Variants in RRBP1 observed in about 807,000 individuals in gnomAD.
RRBP1 encodes the protein ribosome-binding protein 1.
A neutral mutation model predicts 165.2 loss-of-function variants in RRBP1; 94 were observed. That is an observed-to-expected ratio of 0.57 (90% confidence interval 0.48 to 0.68). The LOEUF (loss-of-function observed/expected upper bound fraction) is 0.68. Ranked by LOEUF, RRBP1 falls within the 30% of genes least tolerant of loss-of-function variation. The pLI is 0.00. For synonymous variants in RRBP1, 680 were observed against 714.5 expected, an observed-to-expected ratio of 0.95 and a Z score of 0.77; for missense variants, 1,676 against 1,763.0, an observed-to-expected ratio of 0.95 and a Z score of 0.88.
rs2036194577 is a variant in RRBP1, at chr20:17,633,624, G to C, written c.2457-11C>G. On this transcript the variant is annotated splice_polypyrimidine_tract_variant and intron_variant, in intron 7 of 24. Coordinates refer to ENST00000377813, the MANE Select transcript of RRBP1 (RefSeq NM_001365613.2). ...AGCTCTGCGTTCTGCCTGCAAGACA[G>C]TCACCAGCCCGACTAATGGAAAGAA... 2 of 1,613,314 alleles carry C rather than the reference G, an allele frequency of 1.2e-6. No homozygotes were observed. Among genetic ancestry groups the C allele is most frequent in the Non-Finnish European group, 1.7e-6 (2 of 1,179,678 alleles).
chr20:17,644,056 G>C (rs2036417433), intron 3 of RRBP1, among the ~76,000 whole-genome samples: 1 of 148,860 alleles, frequency 6.7e-6, no homozygotes, highest in Non-Finnish European at 1.5e-5. Flanking sequence ...ACCTTGGGAG[G>C]ACAAAGGAGA....
chr20:17,632,450 C>T (rs1037192717), intron 8 of RRBP1, among the ~76,000 whole-genome samples: 4 of 152,202 alleles, frequency 2.6e-5, no homozygotes, highest in Non-Finnish European at 5.9e-5. Context: ...AGTGGGTCTG[C>T]TTCACATGAA....
intron 1 of RRBP1, among the ~76,000 whole-genome samples, chr20:17,681,632 T>TGCGCC (rs1365243238): frequency 7.1e-6 from 1 of 141,748 alleles, no homozygotes; most frequent in Non-Finnish European, 1.6e-5. Context: ...CCGCCAGCTG[T>TGCGCC]GCGCCGCCCC....
intron 23 of RRBP1, 83 bp downstream of exon 23, chr20:17,615,348 C>T: frequency 8.7e-7 from 1 of 1,150,764 alleles, no homozygotes; most frequent in Non-Finnish European, 1.2e-6. Flanking sequence ...CTCTCCCCTT[C>T]CTGGCCCCTT....
chr20:17,629,996 G>A (rs781230471), intron 8 of RRBP1, 35 bp from the exon 9 acceptor site: 49 of 1,577,678 alleles, frequency 3.1e-5, no homozygotes, highest in South Asian at 6.7e-5. Context: ...CAGTGAAGAC[G>A]TGGAAGGACC....
chr20:17,636,887 G>A (rs578013826), intron 5 of RRBP1, among the ~76,000 whole-genome samples, 158 bp from the exon 6 acceptor site: 2 of 152,218 alleles, frequency 1.3e-5, no homozygotes, highest in African/African-American at 2.4e-5. Flanking sequence ...CAGCTGCAGT[G>A]GGAACGACGA....
At chr20:17,654,521 A>T (rs2036613463) in intron 3 of RRBP1, among the ~76,000 whole-genome samples, 1 of 152,228 alleles carries the variant, frequency 6.6e-6, no homozygotes, top group South Asian at 2.1e-4. Context: ...TTCGGGCCTT[A>T]CCACTCAATC....
intron 2 of RRBP1, among the ~76,000 whole-genome samples, chr20:17,677,284 T>A (rs939717345): frequency 3.9e-5 from 6 of 152,172 alleles, no homozygotes; most frequent in African/African-American, 1.4e-4. Context: ...AGATTTGAAT[T>A]CAAGATGGTC....
At chr20:17,616,409 AG>A (rs1448880994) in intron 21 of RRBP1, among the ~76,000 whole-genome samples, 1 of 152,172 alleles carries the variant, frequency 6.6e-6, no homozygotes, top group Non-Finnish European at 1.5e-5. Context: ...CCGGGGTTGC[AG>A]TGGGAGACAG....
At chr20:17,663,055 A>G (rs111855702) in intron 2 of RRBP1, among the ~76,000 whole-genome samples, 34 of 152,278 alleles carry the variant, frequency 2.2e-4, no homozygotes, top group Middle Eastern at 3.4e-3. Context: ...CCCCTTCTCT[A>G]GAGAAACGAA....
intron 3 of RRBP1, among the ~76,000 whole-genome samples, chr20:17,652,985 C>T (rs1271843285): frequency 1.3e-5 from 2 of 152,250 alleles, no homozygotes; most frequent in African/African-American, 2.4e-5. Flanking sequence ...TCGGGCACCA[C>T]AGCTCATGGC....
chr20:17,639,225 AGGGC>A (rs2036302318), intron 5 of RRBP1, among the ~76,000 whole-genome samples: 3 of 152,196 alleles, frequency 2.0e-5, no homozygotes, highest in Admixed American at 6.5e-5. Context: ...AGAGTTCTCA[AGGGC>A]GTCTGAGCCC....
At chr20:17,680,446 C>T (rs2037159875) in intron 1 of RRBP1, among the ~76,000 whole-genome samples, 1 of 152,204 alleles carries the variant, frequency 6.6e-6, no homozygotes. Flanking sequence ...AAGGTTCCAG[C>T]ACGCAGAGTG....
intron 19 of RRBP1, 135 bp downstream of exon 19, chr20:17,619,498 C>T: frequency 1.7e-6 from 1 of 597,542 alleles, no homozygotes; most frequent in Non-Finnish European, 2.8e-6. Context: ...TGTGAGGCTT[C>T]GGGCAAACGC....
chr20:17,614,970 G>A, intron 23 of RRBP1, 90 bp from the exon 24 acceptor site: 1 of 1,438,036 alleles, frequency 7.0e-7, no homozygotes, highest in South Asian at 1.2e-5. Flanking sequence ...GCCAGGGGCT[G>A]GAGCCCTCTG....
intron 2 of RRBP1, among the ~76,000 whole-genome samples, chr20:17,679,493 C>CCT (rs1350806397): frequency 2.0e-5 from 3 of 152,178 alleles, no homozygotes; most frequent in African/African-American, 7.2e-5. Context: ...AACTGTTGAT[C>CCT]CTCTATGTGT....
At chr20:17,625,374 C>A in intron 12 of RRBP1, 138 bp downstream of exon 12, 1 of 722,998 alleles carries the variant, frequency 1.4e-6, no homozygotes, top group South Asian at 1.7e-5. Flanking sequence ...ACCCTGGACC[C>A]CCACAGCACA....
intron 8 of RRBP1, among the ~76,000 whole-genome samples, chr20:17,630,447 G>T (rs922004045): frequency 5.3e-5 from 8 of 152,162 alleles, no homozygotes; most frequent in African/African-American, 1.9e-4. Context: ...GTTGAACCAC[G>T]TGAAATTGTC....
chr20:17,658,000 A>G (rs777373972), intron 3 of RRBP1, among the ~76,000 whole-genome samples: 1 of 152,212 alleles, frequency 6.6e-6, no homozygotes, highest in Non-Finnish European at 1.5e-5. Flanking sequence ...GTTAAGAAAG[A>G]CTTGCCAACA....
Sources: gnomAD v4.1 joint callset for allele counts (sites outside exome capture counted in the v4.1 genomes callset) on GRCh38, gnomAD v4.1.1 for gene constraint, MANE v1.5 for transcripts, NCBI Gene and HGNC (gene_info 2026-07-23, HGNC 2026-07-21) for gene names.